The following ZNF846 variants were observed in gnomAD, a reference collection of about 807,000 sequenced individuals.
ZNF846 encodes zinc finger protein 420 pseudogene.
In ZNF846, 15 loss-of-function variants were observed where a neutral mutation model predicts 16.0. That is an observed-to-expected ratio of 0.94 (90% CI 0.63 to 1.45). The LOEUF (loss-of-function observed/expected upper bound fraction) is 1.45, where lower values mean the gene tolerates loss of function less well. Among genes scored for constraint, ZNF846 ranks in the 40% most tolerant of loss-of-function variants. The pLI is 0.00. For synonymous variants in ZNF846, 229 were observed against 212.0 expected (o/e 1.08, Z -0.70); for missense variants, 714 against 622.3 (o/e 1.15, Z -1.57).
chr19:9,753,218 A>AAATT (rs1170175405), downstream of ZNF846, among the ~76,000 whole-genome samples: 6 of 103,546 alleles, frequency 5.8e-5, no homozygotes, highest in Admixed American at 1.0e-4. Flanking sequence ...TGAGGAGACA[A>AAATT]AATTTATTTA....
chr19:9,772,888 C>A (rs1424354416), upstream of ZNF846, among the ~76,000 whole-genome samples: 1 of 151,940 alleles, frequency 6.6e-6, no homozygotes, highest in Non-Finnish European at 1.5e-5. Context: ...CCAGCCTGGG[C>A]AACATGTTGA....
intron 1 of ZNF846, among the ~76,000 whole-genome samples, chr19:9,785,496 AC>A (rs1481687043): frequency 7.8e-5 from 7 of 89,888 alleles, no homozygotes; most frequent in African/African-American, 3.1e-4. Flanking sequence ...CGGAGACCCC[AC>A]CCCCATCTCT....
At chr19:9,750,059 A>C (rs1370611425), downstream of ZNF846, among the ~76,000 whole-genome samples, 2 of 152,048 alleles carry the variant, frequency 1.3e-5, no homozygotes, top group Non-Finnish European at 2.9e-5. Flanking sequence ...TCCACCATCC[A>C]AATGTTCCTT....
At chr19:9,768,186 A>T (rs1318416299) in intron 1 of ZNF846, 103 bp downstream of exon 1, 1 of 151,854 alleles carries the variant, frequency 6.6e-6, no homozygotes, top group African/African-American at 2.4e-5. Context: ...TAAACCTACA[A>T]CTCCTGCACA....
intron 1 of ZNF846, 149 bp downstream of exon 1, chr19:9,768,140 G>C (rs1872439233): frequency 6.6e-6 from 1 of 152,128 alleles, no homozygotes; most frequent in South Asian, 2.1e-4. Context: ...TTGCTACTTT[G>C]CTTTATAACT....
At chr19:9,764,761 T>C (rs2045287490) in intron 2 of ZNF846, 175 bp downstream of exon 2, 1 of 712,374 alleles carries the variant, frequency 1.4e-6, no homozygotes, top group Non-Finnish European at 2.4e-6. Flanking sequence ...TACACTTCCA[T>C]TGCAATCTCT....
downstream of ZNF846, among the ~76,000 whole-genome samples, chr19:9,753,216 C>T (rs901206018): frequency 2.5e-5 from 3 of 119,346 alleles, no homozygotes; most frequent in Admixed American, 8.4e-5. Context: ...GTTGAGGAGA[C>T]AAAATTTATT....
At chr19:9,756,377 AT>A (rs1388362317), downstream of ZNF846, 25 of 137,328 alleles carry the variant, frequency 1.8e-4, no homozygotes, top group Non-Finnish European at 7.6e-5. Flanking sequence ...ATATATATAT[AT>A]ATATATAAAG....
chr19:9,773,073 G>GAA (rs200918405), upstream of ZNF846, among the ~76,000 whole-genome samples: 22 of 151,228 alleles, frequency 1.5e-4, no homozygotes, highest in South Asian at 2.1e-4. Flanking sequence ...GAAAAGAAAA[G>GAA]AAAAAAAATC....
At chr19:9,758,756 G>C (rs1425107677) in exon 6 of ZNF846, 2 of 1,561,120 alleles carry the variant, frequency 1.3e-6, no homozygotes, top group South Asian at 2.4e-5. Flanking sequence ...CTGCAGTATT[G>C]CTTCTCTCCT....
chr19:9,783,526 TAAAAAA>T (rs1161223088), intron 1 of ZNF846, among the ~76,000 whole-genome samples: 5 of 106,214 alleles, frequency 4.7e-5, no homozygotes, highest in African/African-American at 1.4e-4. Flanking sequence ...GTCTCATCAC[TAAAAAA>T]AAAAAAAAAA....
At chr19:9,785,522 C>A (rs1234220193) in intron 1 of ZNF846, among the ~76,000 whole-genome samples, 1 of 144,978 alleles carries the variant, frequency 6.9e-6, no homozygotes. Flanking sequence ...TCACCGACTC[C>A]CCGCCCCCGT....
chr19:9,767,685 C>T (rs538258943), intron 1 of ZNF846, among the ~76,000 whole-genome samples: 8 of 152,126 alleles, frequency 5.3e-5, no homozygotes, highest in African/African-American at 1.9e-4. Context: ...ACCTGTAATT[C>T]CAGCACTTTG....
At chr19:9,762,317 T>C (rs557634154) in intron 3 of ZNF846, 149 bp from the exon 4 acceptor site, 104 of 627,082 alleles carry the variant, frequency 1.7e-4, no homozygotes, top group Middle Eastern at 5.2e-4. Flanking sequence ...ACATTTCCAA[T>C]ACATGCACTA....
chr19:9,757,710 C>T (rs377517905), exon 6 of ZNF846: 5 of 1,613,246 alleles, frequency 3.1e-6, no homozygotes, highest in South Asian at 1.1e-5. Context: ...AAATGCTTTA[C>T]CGCATTCCTT....
intron 3 of ZNF846, 108 bp from the exon 4 acceptor site, chr19:9,762,276 G>A (rs185769728): frequency 8.5e-4 from 653 of 766,036 alleles, no homozygotes; most frequent in Non-Finnish European, 1.3e-3. Context: ...ATGGTCAAGT[G>A]TAACTTTACA....
At chr19:9,764,149 T>TG (rs992945030) in intron 2 of ZNF846, among the ~76,000 whole-genome samples, 21 of 152,150 alleles carry the variant, frequency 1.4e-4, no homozygotes, top group Non-Finnish European at 2.1e-4. Flanking sequence ...AACAGATGCA[T>TG]GGGGGGTGCC....
At chr19:9,780,690 C>T (rs1164142783) in intron 1 of ZNF846, among the ~76,000 whole-genome samples, 1 of 152,056 alleles carries the variant, frequency 6.6e-6, no homozygotes, top group Non-Finnish European at 1.5e-5. Flanking sequence ...CTCAAGTGAT[C>T]CACCTGCCTC....
downstream of ZNF846, among the ~76,000 whole-genome samples, chr19:9,748,841 C>T (rs1384594215): frequency 2.6e-5 from 4 of 152,104 alleles, no homozygotes; most frequent in Non-Finnish European, 5.9e-5. Flanking sequence ...TGCCAGACAC[C>T]AGCCCTCTAG....
Sources: allele counts gnomAD v4.1 joint callset (sites outside exome capture counted in the v4.1 genomes callset), GRCh38; gene constraint gnomAD v4.1.1; transcripts MANE v1.5; gene names NCBI Gene and HGNC (gene_info 2026-07-23, HGNC 2026-07-21).